Variants in DSCAML1 observed in about 807,000 individuals in gnomAD.
The protein encoded by DSCAML1 is DS cell adhesion molecule like 1.
In DSCAML1, 38 loss-of-function variants were observed where a neutral mutation model predicts 200.5. The ratio of observed to expected loss-of-function variants is 0.19; its 90% CI spans 0.15 to 0.25. The LOEUF is 0.25. DSCAML1 is among the 10% of genes least tolerant of loss of function. DSCAML1 has a pLI of 1.00. For missense variants in DSCAML1, 2,223 were observed against 2,858.8 expected, an observed-to-expected ratio of 0.78 and a Z score of 5.07; for synonymous variants, 1,215 against 1,165.0, an observed-to-expected ratio of 1.04 and a Z score of -0.87.
chr11:117,518,447 T>G lies in DSCAML1; in HGVS notation c.1510+19A>C. On this transcript the variant is annotated intron_variant, in intron 7 of 32. Coordinates refer to ENST00000651296, the MANE Select transcript of DSCAML1 (RefSeq NM_020693.4). This position sits in a 1 kb window ranked among gnomAD's most constrained non-coding sequence, Gnocchi z 6.3. ...AGGAACTCAAAAACCTATTCTGATA[T>G]TTAAATGTAGACAGGCACCTCTTAC... is the stretch of plus-strand genomic sequence containing the variant. 1 of 1,614,028 alleles carries G rather than the reference T, an allele frequency of 6.2e-7. No individual in the cohort carries two copies. The highest frequency in any genetic ancestry group is 8.5e-7 in the Non-Finnish European group (1 of 1,180,010).
At chr11:117,808,203 G>T (rs1437903535) in intron 1 of DSCAML1, among the ~76,000 whole-genome samples, 1 of 152,188 alleles carries the variant, frequency 6.6e-6, no homozygotes, top group Non-Finnish European at 1.5e-5. Flanking sequence ...GGAAATTGAG[G>T]CTTCAGAAAG....
intron 1 of DSCAML1, among the ~76,000 whole-genome samples, chr11:117,808,994 C>T (rs543127922): frequency 2.6e-5 from 4 of 152,296 alleles, no homozygotes; most frequent in Non-Finnish European, 5.9e-5. Flanking sequence ...GGTCAGTGAC[C>T]GAGCCAAGCT....
intron 11 of DSCAML1, among the ~76,000 whole-genome samples, chr11:117,501,206 G>A (rs989391804): frequency 2.6e-5 from 4 of 152,166 alleles, no homozygotes; most frequent in African/African-American, 9.7e-5. Flanking sequence ...GAAAAGAGCA[G>A]GCAAGGAGAG....
chr11:117,571,527 C>G (rs87824), intron 3 of DSCAML1, among the ~76,000 whole-genome samples: 137,350 of 152,174 alleles, frequency 0.9, 62,070 homozygotes, highest in Middle Eastern at 0.93. Context: ...CTGAGATTTC[C>G]GGTATTCCCA....
intron 17 of DSCAML1, 107 bp from the exon 18 acceptor site, chr11:117,461,703 C>A (rs564233083): frequency 1.8e-6 from 2 of 1,098,116 alleles, no homozygotes; most frequent in Non-Finnish European, 2.6e-6. Flanking sequence ...AGAGGAGCGT[C>A]CAGTTAGACA....
At chr11:117,740,679 C>A (rs1296290086) in intron 3 of DSCAML1, among the ~76,000 whole-genome samples, 1 of 152,230 alleles carries the variant, frequency 6.6e-6, no homozygotes, top group Non-Finnish European at 1.5e-5. Context: ...ACTCCAGCCA[C>A]CTAGCAAATG....
At chr11:117,759,402 A>C (rs1011311991) in intron 3 of DSCAML1, among the ~76,000 whole-genome samples, 14 of 152,224 alleles carry the variant, frequency 9.2e-5, no homozygotes, top group African/African-American at 3.4e-4. Context: ...GCAGCTGTTG[A>C]CCCTGCCCCG....
rs553187851 is a variant in DSCAML1, at chr11:117,577,865, C to T, written c.512-45343G>A. The stretch of plus-strand genomic sequence containing the variant: ...TACAGGTGTGAGCCACCACTCCCGG[C>T]CCTAAGCAAGATTTTGTTATCCTAC... On this transcript the variant is annotated intron_variant, in intron 3 of 32. Transcript: ENST00000651296. 3.9e-3 allele frequency among the ~76,000 whole-genome samples: 594 copies of T among 151,982 alleles called. 4 individuals carry two copies. Among genetic ancestry groups the T allele is most frequent in the Non-Finnish European group, 6.3e-3 (430 of 67,964 alleles).
chr11:117,538,414 C>T (rs1034291949), intron 3 of DSCAML1, among the ~76,000 whole-genome samples: 1 of 152,162 alleles, frequency 6.6e-6, no homozygotes, highest in African/African-American at 2.4e-5. Context: ...GATGAAGGGC[C>T]GGAGTAGCTG....
At chr11:117,605,635 G>A (rs916447361) in intron 3 of DSCAML1, among the ~76,000 whole-genome samples, 7 of 152,190 alleles carry the variant, frequency 4.6e-5, no homozygotes, top group African/African-American at 1.7e-4. Context: ...TGTCTGAGGC[G>A]GGATGGGTGG....
chr11:117,478,082 T>A (rs1417475211), intron 14 of DSCAML1, among the ~76,000 whole-genome samples: 1 of 152,228 alleles, frequency 6.6e-6, no homozygotes, highest in Non-Finnish European at 1.5e-5. Flanking sequence ...GACGTGGATG[T>A]GCTGTAAGAA....
At chr11:117,608,450 T>C (rs554470416) in intron 3 of DSCAML1, among the ~76,000 whole-genome samples, 24 of 152,272 alleles carry the variant, frequency 1.6e-4, no homozygotes, top group Admixed American at 4.6e-4. Flanking sequence ...TCTTTTTATA[T>C]GTGTATATAT....
intron 3 of DSCAML1, among the ~76,000 whole-genome samples, chr11:117,775,390 A>G (rs918653062): frequency 1.3e-5 from 2 of 152,174 alleles, no homozygotes; most frequent in Non-Finnish European, 2.9e-5. Flanking sequence ...CCTTGCCCTC[A>G]GAGGCTCTCC....
rs750013999 is a variant in DSCAML1 at position 117,444,017 on chromosome 11, C to T, written c.3731G>A (p.Ser1244Asn). The T allele has an allele frequency of 4.3e-6, 7 of 1,613,406 alleles. No individual in the cohort carries two copies. In the Admixed American group the frequency reaches 1.2e-4, roughly 27 times the overall value. The change falls in exon 21 of 33, where the codon AGT (serine) becomes AAT (asparagine). Residue 1244 changes from serine (S) to asparagine (N), a missense_variant. Physicochemically the swap from Ser to Asn is conservative, Grantham distance 46. Around this residue, in one of 7 missense-constraint regions of DSCAML1, gnomAD observed 614 missense variants for 739.1 expected, o/e 0.83. Transcript: ENST00000651296. Reference sequence around the variant, plus strand: ...GATCCGGTAGAAGAGCTGCTCTGGACTCGTCTCGTACTCGCTGGGAGCCTG... The same window carrying T: ...GATCCGGTAGAAGAGCTGCTCTGGATTCGTCTCGTACTCGCTGGGAGCCTG... ...GQPAPSEYET[S>N]PEQLFYRIAH...
intron 3 of DSCAML1, among the ~76,000 whole-genome samples, chr11:117,725,333 T>C (rs1326003036): frequency 2.0e-5 from 3 of 152,146 alleles, no homozygotes; most frequent in Admixed American, 2.0e-4. Context: ...GCACGACTTA[T>C]GTTCACCTGC....
At chr11:117,467,193 A>ACCCCCCCCCCCCCCCCCCCCCCCC (rs757481843) in intron 16 of DSCAML1, among the ~76,000 whole-genome samples, 1 of 109,522 alleles carries the variant, frequency 9.1e-6, no homozygotes, top group African/African-American at 4.4e-5. Flanking sequence ...GTGCACACAC[A>ACCCCCCCCCCCCCCCCCCCCCCCC]CCTCCCCCCT....
At chr11:117,460,870 C>T (rs1198135386) in intron 18 of DSCAML1, among the ~76,000 whole-genome samples, 2 of 152,116 alleles carry the variant, frequency 1.3e-5, no homozygotes, top group African/African-American at 4.8e-5. Flanking sequence ...CCAAGGGAGG[C>T]TCTCCCTGGG....
rs575618156 is a variant in DSCAML1 at position 117,516,561 on chromosome 11, G to A, written c.1689C>T (p.Asp563=). Residue 563 remains aspartate, a synonymous_variant, in exon 8 of 33, where the codon GAC becomes GAT. Transcript: ENST00000651296. The surrounding 1 kb of genome is among the most constrained non-coding windows in gnomAD (Gnocchi z 5.7). ...VFENGTLKLT[D]VQKGMDEGEY... is the part of the protein sequence containing the mutation. ...CCCCCTCATCCATGCCCTTCTGCAC[G>A]TCAGTCAGCTTGAGGGTCCCATTCT... The A allele has an allele frequency of 3.1e-5, 50 of 1,614,056 alleles. No individual in the cohort carries two copies. Among genetic ancestry groups the A allele is most frequent in the African/African-American group, 8.0e-5 (6 of 75,040 alleles).
At chr11:117,705,874 TA>T (rs1384418900) in intron 3 of DSCAML1, among the ~76,000 whole-genome samples, 2 of 152,192 alleles carry the variant, frequency 1.3e-5, no homozygotes, top group Non-Finnish European at 2.9e-5. Context: ...TTTTCTCATT[TA>T]TAAAATGGGG....
Sources: allele counts gnomAD v4.1 joint callset (sites outside exome capture counted in the v4.1 genomes callset), GRCh38; gene constraint gnomAD v4.1.1; regional missense constraint gnomAD v4.1.1; non-coding constraint Gnocchi (gnomAD v3.1); transcripts MANE v1.5; gene names NCBI Gene and HGNC (gene_info 2026-07-23, HGNC 2026-07-21).